ARHGEF28: variants seen among roughly 807,000 people sequenced by gnomAD.
ARHGEF28 encodes the protein Rho guanine nucleotide exchange factor 28.
In ARHGEF28, 152 loss-of-function variants were observed where a neutral mutation model predicts 206.6. The ratio of observed to expected loss-of-function variants is 0.74; its 90% CI spans 0.64 to 0.84. ARHGEF28 has a LOEUF of 0.84. ARHGEF28 is among the 40% of genes least tolerant of loss of function. ARHGEF28 has a pLI of 0.00. For synonymous variants in ARHGEF28, 763 were observed against 776.4 expected, an observed-to-expected ratio of 0.98 and a Z score of 0.29; for missense variants, 2,028 against 2,073.2, an observed-to-expected ratio of 0.98 and a Z score of 0.42.
intron 1 of ARHGEF28, among the ~76,000 whole-genome samples, chr5:73,668,150 C>G (rs1036998167): frequency 6.6e-6 from 1 of 152,122 alleles, no homozygotes; most frequent in African/African-American, 2.4e-5. Flanking sequence ...TCTAGCTTGC[C>G]CCTCCAAATT....
In ARHGEF28 at chr5:73,857,679, AATACATC is replaced by A; in HGVS notation, c.1819_1825del (p.Ile607LeufsTer11). 6.3e-7 allele frequency: 1 copy of A among 1,591,034 alleles called. No homozygotes were observed. The highest frequency in any genetic ancestry group is 8.6e-7 in the Non-Finnish European group (1 of 1,167,436). On this transcript the variant is annotated frameshift_variant, in exon 15 of 36. Transcript: ENST00000513042. LOFTEE classifies it high-confidence loss of function. ...AGAATTCAGGAAGAAGAATGGGATA[AATACATC>A]ATACCTGCCAAATCAGAGTCTGAAA...
At chr5:73,669,528 A>G (rs1309497727) in intron 1 of ARHGEF28, among the ~76,000 whole-genome samples, 1 of 152,280 alleles carries the variant, frequency 6.6e-6, no homozygotes, top group South Asian at 2.1e-4. Flanking sequence ...CATGTTATCA[A>G]TTGTAAGAAA....
intron 35 of ARHGEF28, among the ~76,000 whole-genome samples, chr5:73,924,625 A>G (rs1208477243): frequency 6.6e-6 from 1 of 152,242 alleles, no homozygotes; most frequent in African/African-American, 2.4e-5. Context: ...GAGACTTGTT[A>G]TGCCTCATTT....
At chr5:73,926,538 C>T (rs1371679736) in intron 35 of ARHGEF28, among the ~76,000 whole-genome samples, 1 of 152,192 alleles carries the variant, frequency 6.6e-6, no homozygotes, top group African/African-American at 2.4e-5. Context: ...TTCAGCCAAA[C>T]TTGACAACTC....
chr5:73,895,042 G>T (rs1472191777), intron 29 of ARHGEF28, among the ~76,000 whole-genome samples: 1 of 152,288 alleles, frequency 6.6e-6, no homozygotes, highest in African/African-American at 2.4e-5. Flanking sequence ...AGCAGTGCAG[G>T]CGATGAGTCC....
chr5:73,892,649 G>A (rs1223592886), intron 27 of ARHGEF28, among the ~76,000 whole-genome samples: 4 of 152,128 alleles, frequency 2.6e-5, no homozygotes, highest in Non-Finnish European at 4.4e-5. Context: ...CGAGGGCAGG[G>A]TTCATGTCTT....
At chr5:73,629,507 C>CAAAA (rs70973265) in intron 1 of ARHGEF28, among the ~76,000 whole-genome samples, 1,913 of 138,302 alleles carry the variant, frequency 0.014, 30 homozygotes, top group African/African-American at 0.04. Flanking sequence ...GACTCTGTCT[C>CAAAA]AAAAAAAAAA....
At chr5:73,899,237 A>G (rs2112702245) in intron 30 of ARHGEF28, 1 of 152,238 alleles carries the variant, frequency 6.6e-6, no homozygotes, top group African/African-American at 2.4e-5. Flanking sequence ...GAACCTCATT[A>G]TGCCATTGAG....
At chr5:73,937,340 G>A (rs1353052795) in intron 35 of ARHGEF28, among the ~76,000 whole-genome samples, 1 of 152,008 alleles carries the variant, frequency 6.6e-6, no homozygotes, top group East Asian at 1.9e-4. Flanking sequence ...GTGAACAAAA[G>A]CTCAGTAATG....
chr5:73,834,542 C>CTCTGTGTGTGTGTG (rs1455818141), intron 10 of ARHGEF28, among the ~76,000 whole-genome samples: 19 of 146,324 alleles, frequency 1.3e-4, no homozygotes, highest in African/African-American at 4.8e-4. Context: ...AATAATATTC[C>CTCTGTGTGTGTGTG]TGTGTGTGTG....
At chr5:73,898,815 T>A (rs952197881) in intron 30 of ARHGEF28, 6 of 152,172 alleles carry the variant, frequency 3.9e-5, no homozygotes, top group African/African-American at 1.4e-4. Context: ...TCCATAAAGG[T>A]TTCTAAGATA....
At chr5:73,626,812 G>A (rs1743041095) in intron 1 of ARHGEF28, among the ~76,000 whole-genome samples, 1 of 152,212 alleles carries the variant, frequency 6.6e-6, no homozygotes, top group East Asian at 1.9e-4. Flanking sequence ...ACTTACTCGT[G>A]TGGAAGCATC....
intron 2 of ARHGEF28, among the ~76,000 whole-genome samples, chr5:73,686,210 T>C (rs1747458541): frequency 6.6e-6 from 1 of 151,798 alleles, no homozygotes; most frequent in African/African-American, 2.4e-5. Flanking sequence ...GATTAAAGAT[T>C]AAAAAAAAGG....
At chr5:73,688,250 G>A (rs1747593674) in intron 2 of ARHGEF28, among the ~76,000 whole-genome samples, 1 of 152,074 alleles carries the variant, frequency 6.6e-6, no homozygotes, top group South Asian at 2.1e-4. Context: ...TAATCAGGAA[G>A]GAAAAAAATT....
intron 1 of ARHGEF28, among the ~76,000 whole-genome samples, 182 bp downstream of exon 1, chr5:73,626,504 C>G (rs959720629): frequency 1.3e-5 from 2 of 151,984 alleles, no homozygotes; most frequent in African/African-American, 4.8e-5. Context: ...CGCCGCCTCC[C>G]GCTCCCTCGG....
chr5:73,743,538 T>C (rs529653348), intron 2 of ARHGEF28, among the ~76,000 whole-genome samples: 20 of 152,368 alleles, frequency 1.3e-4, no homozygotes, highest in Middle Eastern at 3.4e-3. Context: ...TTTAAAAAAT[T>C]GGCATTCTGA....
chr5:73,932,192 A>G (rs1194006867), intron 35 of ARHGEF28, among the ~76,000 whole-genome samples: 1 of 152,242 alleles, frequency 6.6e-6, no homozygotes, highest in South Asian at 2.1e-4. Context: ...CTAAAGTTTG[A>G]TATGTATCAT....
chr5:73,805,451 C>G (rs1232396093), intron 9 of ARHGEF28, among the ~76,000 whole-genome samples: 2 of 152,130 alleles, frequency 1.3e-5, no homozygotes, highest in Non-Finnish European at 2.9e-5. Flanking sequence ...ATTAACTTTG[C>G]AAATGAGTGG....
Position 73,653,076 on chromosome 5 carries a change from A to T in ARHGEF28, c.-12+26754A>T, listed in dbSNP as rs144712732. On this transcript the variant is annotated intron_variant, in intron 1 of 35. Coordinates refer to ENST00000513042, the MANE Select transcript of ARHGEF28 (RefSeq NM_001177693.2). ...CTGTTGGTCAATAGCTCTATTTTACAGATAAGGAAACTGAGGCTTAAGGAG... is the reference window on the plus strand; with the variant it reads ...CTGTTGGTCAATAGCTCTATTTTACTGATAAGGAAACTGAGGCTTAAGGAG... Among the ~76,000 whole-genome samples the T allele has an allele frequency of 9.7e-3, 1,474 of 152,322 alleles. 23 individuals are homozygous for T. Among genetic ancestry groups the T allele is most frequent in the African/African-American group, 0.034 (1,408 of 41,562 alleles).
Sources: allele counts gnomAD v4.1 joint callset (sites outside exome capture counted in the v4.1 genomes callset), GRCh38; gene constraint gnomAD v4.1.1; transcripts MANE v1.5; gene names NCBI Gene and HGNC (gene_info 2026-07-23, HGNC 2026-07-21).